Variants in CTNND1 observed in about 807,000 individuals in gnomAD.
The protein encoded by CTNND1 is catenin delta-1.
CTNND1 carries 16 observed loss-of-function variants against 112.1 expected under a neutral mutation model. That is an observed-to-expected ratio of 0.14 (90% CI 0.10 to 0.22). The LOEUF (loss-of-function observed/expected upper bound fraction) is 0.22, where lower values mean the gene tolerates loss of function less well. Ranked by LOEUF, CTNND1 falls within the 10% of genes least tolerant of loss-of-function variation. CTNND1 has a pLI of 1.00. For missense variants in CTNND1, 1,008 were observed against 1,257.0 expected, an observed-to-expected ratio of 0.80 and a Z score of 3.00; for synonymous variants, 420 against 446.5, an observed-to-expected ratio of 0.94 and a Z score of 0.75.
At chr11:57,811,338 G>C (rs2063333241) in intron 16 of CTNND1, 61 bp from the exon 17 acceptor site, 3 of 1,371,944 alleles carry the variant, frequency 2.2e-6, no homozygotes, top group Non-Finnish European at 2.1e-6. Context: ...ATGCCCATTA[G>C]AGCATAAGAT....
At chr11:57,808,769 G>A (rs2063000971) in intron 14 of CTNND1, among the ~76,000 whole-genome samples, 1 of 152,150 alleles carries the variant, frequency 6.6e-6, no homozygotes, top group African/African-American at 2.4e-5. Flanking sequence ...TATTTATTGA[G>A]CACTTACTTT....
intron 1 of CTNND1, among the ~76,000 whole-genome samples, chr11:57,774,111 A>C (rs1453802674): frequency 6.6e-6 from 1 of 152,170 alleles, no homozygotes; most frequent in Non-Finnish European, 1.5e-5. Context: ...ACCTTTTGCT[A>C]TTCGCTTGCT....
chr11:57,766,242 T>G (rs1398221302), intron 1 of CTNND1, among the ~76,000 whole-genome samples: 1 of 152,238 alleles, frequency 6.6e-6, no homozygotes, highest in Non-Finnish European at 1.5e-5. Context: ...AGTACTGCTT[T>G]CAGCCCTGGT....
At chr11:57,776,685 G>C (rs954097914) in intron 1 of CTNND1, among the ~76,000 whole-genome samples, 6 of 152,196 alleles carry the variant, frequency 3.9e-5, no homozygotes, top group African/African-American at 1.4e-4. Context: ...TTAGAACTGG[G>C]ACCTCTGGTG....
chr11:57,778,604 T>C (rs1184546116), intron 1 of CTNND1, among the ~76,000 whole-genome samples: 2 of 152,222 alleles, frequency 1.3e-5, no homozygotes, highest in African/African-American at 4.8e-5. Context: ...GAGGGTTGTT[T>C]TCCCTGAACA....
intron 16 of CTNND1, 28 bp downstream of exon 16, chr11:57,810,251 T>G: frequency 6.6e-7 from 1 of 1,521,798 alleles, no homozygotes; most frequent in Non-Finnish European, 9.0e-7. Context: ...ACCAAGACTT[T>G]TACTTTTTTT....
Position 57,809,424 on chromosome 11 carries a change from A to G in CTNND1, c.2393A>G (p.Glu798Gly), listed in dbSNP as rs1399348855. 6.2e-7 allele frequency: 1 copy of G among 1,613,580 alleles called. No individual in the cohort carries two copies. Among genetic ancestry groups the G allele is most frequent in the Non-Finnish European group, 8.5e-7 (1 of 1,179,732 alleles). ...TTGGAGGCTGCCAAAAAGCTTCGAGAGACACAGGGTATTGAGAAGCTGGTG... is the reference window on the plus strand; with the variant it reads ...TTGGAGGCTGCCAAAAAGCTTCGAGGGACACAGGGTATTGAGAAGCTGGTG... ...ENLEAAKKLR[E>G]TQGIEKLVLI... The change falls in exon 15 of 21, where the codon GAG becomes GGG. Residue 798 changes from glutamate (E) to glycine (G), a missense_variant. This residue lies in a region of CTNND1 where 254 missense variants were observed against 279.5 expected (regional missense o/e 0.91). Coordinates refer to ENST00000399050, the MANE Select transcript of CTNND1 (RefSeq NM_001085458.2).
chr11:57,797,690 A>G (rs1016928801), intron 6 of CTNND1, among the ~76,000 whole-genome samples: 1 of 150,738 alleles, frequency 6.6e-6, no homozygotes, highest in Non-Finnish European at 1.5e-5. Context: ...TAAAAATACA[A>G]AATTAGCTGG....
chr11:57,786,190 AT>A (rs10715396), intron 1 of CTNND1, among the ~76,000 whole-genome samples: 118,760 of 132,710 alleles, frequency 0.89, 54,077 homozygotes, highest in Non-Finnish European at 0.98. Flanking sequence ...GAATTCTTTG[AT>A]TTTTTTTTTT....
At position 57,804,688 on chromosome 11, in the gene CTNND1, G is replaced by A; in HGVS notation, c.1630G>A (p.Ala544Thr). ...LRNVSSERSE[A>T]RRKLRECDGL... ...GAATGTAAGCTCAGAGAGGAGTGAA[G>A]CTCGCCGGAAACTTCGGGAATGTGA... Residue 544 changes from alanine (A) to threonine (T), a missense_variant, in exon 9 of 21, where the codon GCT becomes ACT. This residue lies in a region of CTNND1 where 216 missense variants were observed against 342.8 expected (regional missense o/e 0.63). Transcript: ENST00000399050. 1 of 1,613,906 alleles carries A rather than the reference G, an allele frequency of 6.2e-7. No homozygotes were observed. The highest frequency in any genetic ancestry group is 1.1e-5 in the South Asian group (1 of 91,056).
chr11:57,775,787 C>T (rs1015133081), intron 1 of CTNND1, among the ~76,000 whole-genome samples: 2 of 152,034 alleles, frequency 1.3e-5, no homozygotes, highest in Non-Finnish European at 2.9e-5. Flanking sequence ...CACTAATGTT[C>T]GTGTATAGCC....
At chr11:57,765,062 C>T (rs1000045935) in intron 1 of CTNND1, among the ~76,000 whole-genome samples, 1 of 152,176 alleles carries the variant, frequency 6.6e-6, no homozygotes, top group Admixed American at 6.5e-5. Context: ...TCTTAAACTT[C>T]CTGGAATTGT....
chr11:57,783,661 A>G (rs75367119), intron 1 of CTNND1, among the ~76,000 whole-genome samples: 2 of 151,468 alleles, frequency 1.3e-5, no homozygotes, highest in Admixed American at 1.3e-4. Flanking sequence ...TCCATCTCAA[A>G]ATAAAAAAAA....
chr11:57,799,170 C>T (rs562518618), intron 6 of CTNND1, among the ~76,000 whole-genome samples: 1 of 152,304 alleles, frequency 6.6e-6, no homozygotes, highest in Admixed American at 6.5e-5. Flanking sequence ...ATAGCTAATC[C>T]AACTCCCATG....
intron 1 of CTNND1, among the ~76,000 whole-genome samples, chr11:57,774,715 A>G (rs2136150566): frequency 6.6e-6 from 1 of 151,682 alleles, no homozygotes. Context: ...TTATTTATTT[A>G]TTTATTTATT....
At chr11:57,815,665 C>G (rs760215257) in intron 19 of CTNND1, 165 bp downstream of exon 19, 34 of 808,404 alleles carry the variant, frequency 4.2e-5, no homozygotes, top group Admixed American at 1.9e-4. Flanking sequence ...TTTCTTGGGC[C>G]GTTATTCTGC....
chr11:57,762,772 T>C (rs1167169002), intron 1 of CTNND1, among the ~76,000 whole-genome samples: 1 of 152,234 alleles, frequency 6.6e-6, no homozygotes, highest in Non-Finnish European at 1.5e-5. Flanking sequence ...CATCTCCTTC[T>C]TCCTTCTAAA....
chr11:57,795,939 G>C (rs1185192472), intron 5 of CTNND1, among the ~76,000 whole-genome samples: 1 of 152,162 alleles, frequency 6.6e-6, no homozygotes, highest in Non-Finnish European at 1.5e-5. Flanking sequence ...GTCTATAGTA[G>C]CTTCCCTTAT....
chr11:57,794,080 A>G lies in CTNND1; in HGVS notation c.266A>G (p.Gln89Arg), dbSNP rs1416356339. 6.2e-7 allele frequency: 1 copy of G among 1,613,922 alleles called. No individual in the cohort carries two copies. The highest frequency in any genetic ancestry group is 2.2e-5 in the East Asian group (1 of 44,884). ...TCAGATTTGAAACTCAACGGACCCCAGGTAATTCTTTGGCTCAAGACCTGG... is the reference window on the plus strand; with the variant it reads ...TCAGATTTGAAACTCAACGGACCCCGGGTAATTCTTTGGCTCAAGACCTGG... ...KFSDLKLNGP[Q>R]DHSHLLYSTI... The change falls in exon 4 of 21, where the codon CAG (glutamine) becomes CGG (arginine). Residue 89 changes from glutamine to arginine, a missense_variant and splice_region_variant. This residue lies in a region of CTNND1 where 404 missense variants were observed against 457.9 expected (regional missense o/e 0.88). Transcript: ENST00000399050.
Sources: allele counts gnomAD v4.1 joint callset (sites outside exome capture counted in the v4.1 genomes callset), GRCh38; gene constraint gnomAD v4.1.1; regional missense constraint gnomAD v4.1.1; transcripts MANE v1.5; gene names NCBI Gene and HGNC (gene_info 2026-07-23, HGNC 2026-07-21).